VWA3B: variants seen among roughly 807,000 people sequenced by gnomAD.
VWA3B encodes von Willebrand factor A domain-containing protein 3B.
In VWA3B, 138 loss-of-function variants were observed where a neutral mutation model predicts 158.3. The ratio of observed to expected loss-of-function variants is 0.87; its 90% CI spans 0.76 to 1.00. VWA3B has a LOEUF of 1.00. Among genes scored for constraint, VWA3B ranks in the 50% least tolerant of loss-of-function variants. VWA3B has a pLI of 0.00. For synonymous variants in VWA3B, 596 were observed against 587.3 expected (o/e 1.01, Z -0.21); for missense variants, 1,555 against 1,565.1 (o/e 0.99, Z 0.11).
At chr2:98,146,331 G>T (rs996481672) in intron 7 of VWA3B, among the ~76,000 whole-genome samples, 8 of 152,182 alleles carry the variant, frequency 5.3e-5, no homozygotes, top group Non-Finnish European at 7.3e-5. Context: ...ATGGACACAA[G>T]CTATCTGCAG....
intron 13 of VWA3B, chr2:98,216,980 G>GCGCC: frequency 3.0e-6 from 3 of 993,780 alleles, no homozygotes; most frequent in Non-Finnish European, 1.3e-6. Flanking sequence ...ATCATTGTAA[G>GCGCC]CACCCGCCCC....
At chr2:98,185,407 G>T (rs1157341302) in intron 9 of VWA3B, among the ~76,000 whole-genome samples, 1 of 152,068 alleles carries the variant, frequency 6.6e-6, no homozygotes, top group African/African-American at 2.4e-5. Flanking sequence ...GCTTATCTCC[G>T]TGCAGTTAAC....
At chr2:98,305,901 C>T (rs929875600) in intron 26 of VWA3B, among the ~76,000 whole-genome samples, 1 of 152,070 alleles carries the variant, frequency 6.6e-6, no homozygotes, top group African/African-American at 2.4e-5. Flanking sequence ...TCCTTCAGAG[C>T]CCCATCCCCA....
intron 6 of VWA3B, chr2:98,133,603 T>C (rs1389927782): frequency 9.8e-6 from 5 of 511,150 alleles, no homozygotes; most frequent in African/African-American, 1.9e-5. Context: ...AAAGGATGAG[T>C]TGTCGGTTAA....
chr2:98,255,278 C>T (rs1206609590), intron 20 of VWA3B, among the ~76,000 whole-genome samples: 4 of 149,148 alleles, frequency 2.7e-5, no homozygotes, highest in East Asian at 2.0e-4. Flanking sequence ...GTGATCCGCC[C>T]GCCTCGGCCT....
In VWA3B at chr2:98,093,162, A is replaced by C. The variant is rs1682469966; in HGVS notation, c.70A>C (p.Thr24Pro). 10 of 1,614,160 alleles carry C rather than the reference A, an allele frequency of 6.2e-6. No homozygotes were observed. Among genetic ancestry groups the C allele is most frequent in the Non-Finnish European group, 8.5e-6 (10 of 1,180,008 alleles). ...GCAGAGGCAAGAGGGATGGATTAAC[A>C]CCAAAACAGACTTGGCTGAGCAGAG... is the stretch of plus-strand genomic sequence containing the variant. Reference protein sequence around the residue: ...QLQRQEGWINTKTDLAEQSLI... With the variant: ...QLQRQEGWINPKTDLAEQSLI... Residue 24 changes from threonine to proline, a missense_variant, in exon 2 of 28, where the codon ACC becomes CCC. Coordinates refer to ENST00000477737, the MANE Select transcript of VWA3B (RefSeq NM_144992.5).
At chr2:98,259,989 A>G (rs995562824) in intron 21 of VWA3B, among the ~76,000 whole-genome samples, 3 of 151,408 alleles carry the variant, frequency 2.0e-5, no homozygotes, top group Non-Finnish European at 3.0e-5. Context: ...TCTTTGCCCT[A>G]TTGGTTGTTT....
intron 19 of VWA3B, among the ~76,000 whole-genome samples, chr2:98,244,485 T>A (rs1686269093): frequency 1.3e-5 from 2 of 152,174 alleles, no homozygotes; most frequent in African/African-American, 4.8e-5. Flanking sequence ...ACCTCTTAAA[T>A]AGCACAGTTA....
rs757833347 is a variant in VWA3B at position 98,297,919 on chromosome 2, A to T, written c.3170A>T (p.Lys1057Met). 2.6e-6 allele frequency: 4 copies of T among 1,546,128 alleles called. No homozygotes were observed. The South Asian group carries it at 4.9e-5, about 19-fold the overall frequency. Residue 1057 changes from lysine (K) to methionine (M), a missense_variant, in exon 24 of 28, where the codon AAG becomes ATG. Lys to Met is a moderately conservative substitution (Grantham distance 95). Transcript: ENST00000477737. ...NGFYFPGVVKKCVSRTQALVG... is the reference protein window; with the variant it reads ...NGFYFPGVVKMCVSRTQALVG... ...TGATTCCTTCCAGGGGTTGTGAAGA[A>T]GTGTGTGAGCCGCACCCAAGCACTG...
intron 7 of VWA3B, among the ~76,000 whole-genome samples, chr2:98,161,426 G>A (rs576821213): frequency 1.1e-4 from 16 of 152,314 alleles, no homozygotes; most frequent in African/African-American, 3.6e-4. Context: ...ACTCCATCAG[G>A]GGGTGTGCTT....
Position 98,313,263 on chromosome 2 carries a change from C to A in VWA3B, c.*914C>A, listed in dbSNP as rs1003962248. On this transcript the variant is annotated 3_prime_UTR_variant, in exon 28 of 28. Coordinates refer to ENST00000477737, the MANE Select transcript of VWA3B (RefSeq NM_144992.5). ...GGGTTATGGTGAAGAAATTAAAGAA[C>A]TAATCCACTTCTAAAAATATGAAAA... is the stretch of plus-strand genomic sequence containing the variant. 9.9e-5 allele frequency: 15 copies of A among 151,110 alleles called. No individual in the cohort carries two copies. The highest frequency in any genetic ancestry group is 3.7e-4 in the African/African-American group (15 of 41,022). The allele number at this position is 151,110 out of a possible 1,614,324, so 9.4% of individuals were successfully genotyped here. A position where few individuals can be genotyped will look rare whatever the true frequency, so the allele number is the denominator to read the frequency against.
chr2:98,302,992 C>T (rs2105994795), intron 25 of VWA3B, among the ~76,000 whole-genome samples: 1 of 152,332 alleles, frequency 6.6e-6, no homozygotes, highest in Admixed American at 6.5e-5. Context: ...ATGGAGTTTC[C>T]TGAAGCTGTC....
chr2:98,301,238 C>T (rs1690165817), intron 25 of VWA3B, among the ~76,000 whole-genome samples: 1 of 149,612 alleles, frequency 6.7e-6, no homozygotes, highest in South Asian at 2.1e-4. Context: ...TGCAGTGAGC[C>T]GAGATCACAC....
Position 98,302,006 on chromosome 2 carries a change from T to G in VWA3B, c.3421-1696T>G, listed in dbSNP as rs147527984. ...TACGAAACTGATGATGTAGTTTGCC[T>G]GATTGACGTCTCCTGCCTCCTCTCA... On this transcript the variant is annotated intron_variant, in intron 25 of 27. Coordinates refer to ENST00000477737, the MANE Select transcript of VWA3B (RefSeq NM_144992.5). 1.9e-3 allele frequency among the ~76,000 whole-genome samples: 283 copies of G among 152,328 alleles called. 1 individual carries two copies. Among genetic ancestry groups the G allele is most frequent in the Admixed American group, 3.8e-3 (58 of 15,302 alleles).
At position 98,265,667 on chromosome 2, in the gene VWA3B, A is replaced by C. The variant is rs1311117400; in HGVS notation, c.2844-5015A>C. Among the ~76,000 whole-genome samples, 162 of 139,428 alleles carry C rather than the reference A, an allele frequency of 1.2e-3. No homozygotes were observed. The East Asian group carries it at 0.032, about 27-fold the overall frequency. 91.5% of individuals were successfully genotyped at this position (139,428 alleles called of 152,430 possible). On this transcript the variant is annotated intron_variant, in intron 21 of 27. Transcript: ENST00000477737. ...TAGTTTACAGTCCCACCAACAGTGT[A>C]AAAGTGTTCCTATTTCTCCACATCC...
chr2:98,310,135 G>A (rs976258539), intron 26 of VWA3B, among the ~76,000 whole-genome samples: 2 of 152,122 alleles, frequency 1.3e-5, no homozygotes, highest in African/African-American at 2.4e-5. Context: ...ACCCCCCACC[G>A]GGTCTTCATC....
intron 20 of VWA3B, 146 bp from the exon 21 acceptor site, chr2:98,255,978 C>A (rs1574211840): frequency 1.3e-6 from 1 of 779,864 alleles, no homozygotes; most frequent in Non-Finnish European, 2.1e-6. Flanking sequence ...TGAGGTGACA[C>A]ATCCAGTGTC....
At chr2:98,171,773 C>T (rs1051964053) in intron 8 of VWA3B, among the ~76,000 whole-genome samples, 1 of 152,082 alleles carries the variant, frequency 6.6e-6, no homozygotes, top group African/African-American at 2.4e-5. Context: ...GATGTTAGTA[C>T]AGTGATGGTG....
chr2:98,264,998 A>ATTTAT (rs754588099), intron 21 of VWA3B, among the ~76,000 whole-genome samples: 28,413 of 152,042 alleles, frequency 0.19, 3,041 homozygotes, highest in Admixed American at 0.34. Context: ...TTATTAAGTC[A>ATTTAT]TAAGTTGATA....
Sources: allele counts gnomAD v4.1 joint callset (sites outside exome capture counted in the v4.1 genomes callset), GRCh38; gene constraint gnomAD v4.1.1; transcripts MANE v1.5; gene names NCBI Gene and HGNC (gene_info 2026-07-23, HGNC 2026-07-21).